Variants in PPA1 observed in about 807,000 individuals in gnomAD.
PPA1 encodes the protein inorganic pyrophosphatase 1.
In PPA1, 23 loss-of-function variants were observed where a neutral mutation model predicts 41.8. That is an observed-to-expected ratio of 0.55 (90% CI 0.40 to 0.78). PPA1 has a LOEUF of 0.78. PPA1 is among the 30% of genes least tolerant of loss of function. The pLI is 0.00. For missense variants in PPA1, 320 were observed against 361.6 expected, an observed-to-expected ratio of 0.89 and a Z score of 0.93; for synonymous variants, 101 against 116.8, an observed-to-expected ratio of 0.86 and a Z score of 0.87.
At chr10:70,212,238 A>C (rs1435790855) in intron 6 of PPA1, among the ~76,000 whole-genome samples, 2 of 152,220 alleles carry the variant, frequency 1.3e-5, no homozygotes, top group Non-Finnish European at 2.9e-5. Flanking sequence ...TCAATCATTT[A>C]TTTGTCAGTA....
chr10:70,214,016 A>C (rs962291777), intron 5 of PPA1, among the ~76,000 whole-genome samples: 2 of 152,216 alleles, frequency 1.3e-5, no homozygotes, highest in African/African-American at 4.8e-5. Flanking sequence ...TTAGTTGTTT[A>C]CTATTTCTCT....
rs1015587676 is a variant in PPA1, at chr10:70,221,620, T to C, written c.124-2803A>G. ...GGTTTTCAAGTATTTTGTCCACTTCTCAGGTGTAAAAACGAGAGATCTGTA... is the reference window on the plus strand; with the variant it reads ...GGTTTTCAAGTATTTTGTCCACTTCCCAGGTGTAAAAACGAGAGATCTGTA... On this transcript the variant is annotated intron_variant, in intron 2 of 10. Transcript: ENST00000373232. 2.0e-4 allele frequency among the ~76,000 whole-genome samples: 30 copies of C among 152,130 alleles called. 1 individual carries two copies. The highest frequency in any genetic ancestry group is 3.8e-4 in the Non-Finnish European group (26 of 68,028).
chr10:70,224,995 T>A (rs1840212693), intron 2 of PPA1, among the ~76,000 whole-genome samples: 1 of 152,204 alleles, frequency 6.6e-6, no homozygotes, highest in East Asian at 1.9e-4. Flanking sequence ...CCCCCCAAAG[T>A]GTTGGGATTA....
At chr10:70,210,985 G>A (rs1164636955) in intron 6 of PPA1, among the ~76,000 whole-genome samples, 3 of 152,032 alleles carry the variant, frequency 2.0e-5, no homozygotes, top group South Asian at 2.1e-4. Context: ...GGACGGTCTC[G>A]ATCTCCTGAC....
intron 2 of PPA1, among the ~76,000 whole-genome samples, chr10:70,222,833 CT>C (rs1196094818): frequency 3.2e-5 from 4 of 124,856 alleles, no homozygotes; most frequent in African/African-American, 1.2e-4. Flanking sequence ...TCCTTTCCCC[CT>C]CCCCCCACCC....
chr10:70,205,425 TAATAAG>T (rs1398571925), intron 9 of PPA1: 3 of 151,172 alleles, frequency 2.0e-5, no homozygotes, highest in Non-Finnish European at 4.4e-5. Flanking sequence ...ACATGCAGAA[TAATAAG>T]AATGTTTTTT....
At chr10:70,214,747 TTAAATGCTGTAGCTCCTACTACACATC>T (rs1336005186) in intron 4 of PPA1, among the ~76,000 whole-genome samples, 161 bp from the exon 5 acceptor site, 1 of 152,248 alleles carries the variant, frequency 6.6e-6, no homozygotes, top group East Asian at 1.9e-4. Flanking sequence ...AGAGTTTCAA[TTAAATGCTGTAGCTCCTACTACACATC>T]TAATGCTAAA....
chr10:70,222,131 C>T (rs989380530), intron 2 of PPA1, among the ~76,000 whole-genome samples: 12 of 151,784 alleles, frequency 7.9e-5, no homozygotes, highest in South Asian at 4.2e-4. Flanking sequence ...GTCAGGAGAT[C>T]GAGACCATCC....
At chr10:70,225,945 T>C (rs2136769774) in intron 2 of PPA1, among the ~76,000 whole-genome samples, 1 of 152,336 alleles carries the variant, frequency 6.6e-6, no homozygotes, top group African/African-American at 2.4e-5. Context: ...AGAAGTCTAT[T>C]TGAGAAGCTA....
rs766170496 is a variant in PPA1, at chr10:70,209,718, G to T, written c.512-33C>A. The T allele has an allele frequency of 1.9e-6, 3 of 1,550,308 alleles. No individual in the cohort carries two copies. The South Asian group carries it at 3.6e-5, about 18-fold the overall frequency. ...GAGAAGAAGCATAAGATGACAGTGA[G>T]AATGATTTTTTTAAAAAGAAAGAAG... On this transcript the variant is annotated intron_variant, in intron 6 of 10. Transcript: ENST00000373232.
At chr10:70,213,994 A>G (rs907510914) in intron 5 of PPA1, among the ~76,000 whole-genome samples, 1 of 152,226 alleles carries the variant, frequency 6.6e-6, no homozygotes, top group Non-Finnish European at 1.5e-5. Flanking sequence ...AAACAAAATG[A>G]TAACTTTGTT....
chr10:70,206,450 G>T, intron 8 of PPA1, 117 bp from the exon 9 acceptor site: 1 of 709,548 alleles, frequency 1.4e-6, no homozygotes, highest in Non-Finnish European at 2.5e-6. Context: ...TTAGTCGAAA[G>T]CTTTTTCACC....
intron 2 of PPA1, among the ~76,000 whole-genome samples, chr10:70,222,825 CT>C: frequency 6.6e-6 from 1 of 150,468 alleles, no homozygotes; most frequent in Non-Finnish European, 1.5e-5. Context: ...TAATACTATC[CT>C]TTCCCCCTCC....
chr10:70,220,975 AT>A (rs1216674080), intron 2 of PPA1, among the ~76,000 whole-genome samples: 4 of 42,824 alleles, frequency 9.3e-5, no homozygotes, highest in African/African-American at 3.1e-4. Context: ...ATTTTTATAT[AT>A]ATACTATATA....
intron 4 of PPA1, among the ~76,000 whole-genome samples, chr10:70,217,556 T>A (rs1305533075): frequency 6.6e-6 from 1 of 152,208 alleles, no homozygotes. Flanking sequence ...ATATAGCTTA[T>A]AACCAGTCCA....
At position 70,214,361 on chromosome 10, in the gene PPA1, A is replaced by C; in HGVS notation, c.384+139T>G. 9 of 687,158 alleles carry C rather than the reference A, an allele frequency of 1.3e-5. No individual in the cohort carries two copies. In the South Asian group the frequency reaches 1.8e-4, roughly 14 times the overall value. The allele number at this position is 687,158 out of a possible 1,614,324, so 42.6% of individuals were successfully genotyped here. ...TATAATATACAAATGCTTAAAATGC[A>C]AGAAGCCTTTAATACCAAAGAGACA... On this transcript the variant is annotated intron_variant, in intron 5 of 10. Transcript: ENST00000373232.
chr10:70,207,677 T>C (rs1322007108), intron 8 of PPA1, among the ~76,000 whole-genome samples: 1 of 152,056 alleles, frequency 6.6e-6, no homozygotes, highest in Non-Finnish European at 1.5e-5. Flanking sequence ...ATATCTTTTA[T>C]GACATGAGGA....
Position 70,219,229 on chromosome 10 carries a change from T to C in PPA1, c.124-412A>G, listed in dbSNP as rs370386564. Among the ~76,000 whole-genome samples the C allele has an allele frequency of 5.5e-4, 84 of 152,178 alleles. No homozygotes were observed. In the East Asian group the frequency reaches 0.014, roughly 26 times the overall value. ...ACTTACTATATAAATCTTTTAACTT[T>C]TCTGTATGCTTTAAGTGTTTCAGAA... On this transcript the variant is annotated intron_variant, in intron 2 of 10. Coordinates refer to ENST00000373232, the MANE Select transcript of PPA1 (RefSeq NM_021129.4).
At chr10:70,227,710 C>G (rs905572905) in intron 2 of PPA1, among the ~76,000 whole-genome samples, 3 of 148,016 alleles carry the variant, frequency 2.0e-5, no homozygotes, top group Non-Finnish European at 3.0e-5. Context: ...GGCATTTTTC[C>G]TTAGTCTGAT....
Sources: gnomAD v4.1 joint callset for allele counts (sites outside exome capture counted in the v4.1 genomes callset) on GRCh38, gnomAD v4.1.1 for gene constraint, MANE v1.5 for transcripts, NCBI Gene and HGNC (gene_info 2026-07-23, HGNC 2026-07-21) for gene names.